The following AQP5 variants were observed in gnomAD, a reference collection of about 807,000 sequenced individuals.
The protein encoded by AQP5 is aquaporin-5.
AQP5 carries 15 observed loss-of-function variants against 19.1 expected under a neutral mutation model. The observed-to-expected ratio is 0.79, with a 90% CI of 0.53 to 1.21. The LOEUF is 1.21. Among genes scored for constraint, AQP5 ranks in the 50% most tolerant of loss-of-function variants. The probability of loss-of-function intolerance (pLI) is 0.00; values close to 1 mark genes in which losing one functional copy is unlikely to be tolerated. For missense variants in AQP5, 355 were observed against 357.1 expected (o/e 0.99, Z 0.05); for synonymous variants, 182 against 160.3 (o/e 1.14, Z -1.02).
intron 1 of AQP5, 61 bp from the exon 2 acceptor site, chr12:49,963,431 C>T: frequency 2.5e-6 from 4 of 1,587,222 alleles, no homozygotes; most frequent in Admixed American, 1.7e-5. Flanking sequence ...GCCCTACTCC[C>T]CGAGCCCCTG....
chr12:49,963,958 G>T, intron 2 of AQP5, 134 bp from the exon 3 acceptor site: 1 of 919,184 alleles, frequency 1.1e-6, no homozygotes, highest in Non-Finnish European at 1.7e-6. Context: ...TGGGATCCTT[G>T]GAGGGAGAGG....
chr12:49,965,255 C>T lies in AQP5; in HGVS notation c.*78C>T. 7.0e-7 allele frequency: 1 copy of T among 1,431,614 alleles called. No homozygotes were observed. The allele number at this position is 1,431,614 out of a possible 1,614,324, so 88.7% of individuals were successfully genotyped here. A position where few individuals can be genotyped will look rare whatever the true frequency, so the allele number is the denominator to read the frequency against. ...AGAAAAAGTACCTAACACAAGCTTCCTTTTTGCACAACCGGTCCTCTTGGC... is the reference window on the plus strand; with the variant it reads ...AGAAAAAGTACCTAACACAAGCTTCTTTTTTGCACAACCGGTCCTCTTGGC... On this transcript the variant is annotated 3_prime_UTR_variant, in exon 4 of 4. Transcript: ENST00000293599.
At chr12:49,962,454 GA>G in intron 1 of AQP5, 74 bp downstream of exon 1, 2 of 1,448,492 alleles carry the variant, frequency 1.4e-6, no homozygotes, top group Middle Eastern at 2.5e-4. Flanking sequence ...ACCCCACCTG[GA>G]AAAAAGGGGT....
intron 2 of AQP5, 58 bp from the exon 3 acceptor site, chr12:49,964,034 A>G: frequency 6.6e-7 from 1 of 1,523,914 alleles, no homozygotes; most frequent in Non-Finnish European, 9.1e-7. Flanking sequence ...GAGAGTCCAG[A>G]TTCTGTGGGA....
At chr12:49,962,521 C>T (rs1947440260) in intron 1 of AQP5, 141 bp downstream of exon 1, 1 of 1,342,560 alleles carries the variant, frequency 7.4e-7, no homozygotes, top group Non-Finnish European at 9.8e-7. Flanking sequence ...CCTCCCAAGG[C>T]CAGGAAGGCA....
At chr12:49,963,684 T>C in intron 2 of AQP5, 28 bp downstream of exon 2, 1 of 1,603,808 alleles carries the variant, frequency 6.2e-7, no homozygotes, top group Non-Finnish European at 8.5e-7. Flanking sequence ...TGGGCTGGGG[T>C]GAGGGTGGGG....
chr12:49,964,626 G>A, intron 3 of AQP5: 3 of 984,944 alleles, frequency 3.0e-6, no homozygotes, highest in Non-Finnish European at 3.6e-6. Flanking sequence ...CTCTCTCCAG[G>A]GTCTGCTTCT....
rs751767010 is a variant in AQP5 at position 49,963,950 on chromosome 12, G to C, written c.529-142G>C. ...GGGTCCATGGTTAACCAAGCAGCTG[G>C]GATCCTTGGAGGGAGAGGTTGCCAG... On this transcript the variant is annotated intron_variant, in intron 2 of 3. Coordinates refer to ENST00000293599, the MANE Select transcript of AQP5 (RefSeq NM_001651.4). 2.6e-4 allele frequency: 230 copies of C among 877,214 alleles called. 2 individuals carry two copies. The highest frequency in any genetic ancestry group is 9.4e-5 in the Non-Finnish European group (52 of 551,858). The allele number at this position is 877,214 out of a possible 1,614,324, so 54.3% of individuals were successfully genotyped here.
rs1366860439 is a variant in AQP5 at position 49,964,180 on chromosome 12, G to A, written c.612+5G>A. Reference sequence around the variant, plus strand: ...CGGTTCAGCCCCGCTCACTGGGTGAGTCTGTCCCTTCCCCTGGCTCCCTGG... The same window carrying A: ...CGGTTCAGCCCCGCTCACTGGGTGAATCTGTCCCTTCCCCTGGCTCCCTGG... On this transcript the variant is annotated splice_donor_5th_base_variant and intron_variant, in intron 3 of 3. Coordinates refer to ENST00000293599, the MANE Select transcript of AQP5 (RefSeq NM_001651.4). The A allele has an allele frequency of 1.2e-6, 2 of 1,613,692 alleles. No homozygotes were observed. The highest frequency in any genetic ancestry group is 8.5e-7 in the Non-Finnish European group (1 of 1,179,606).
chr12:49,963,883 A>C, intron 2 of AQP5: 1 of 772,674 alleles, frequency 1.3e-6, no homozygotes, highest in South Asian at 1.8e-5. Flanking sequence ...GACAGGAATC[A>C]AACCCAACCT....
Position 49,961,963 on chromosome 12 carries a change from C to G in AQP5, c.-55C>G. ...CCGCATCCACCTCCTCCGCCGCCTG[C>G]GACCCAACGGGCGCCCCCCGCCGCG... On this transcript the variant is annotated 5_prime_UTR_variant, in exon 1 of 4. Coordinates refer to ENST00000293599, the MANE Select transcript of AQP5 (RefSeq NM_001651.4). 6.5e-6 allele frequency: 8 copies of G among 1,239,470 alleles called. No homozygotes were observed. The highest frequency in any genetic ancestry group is 2.8e-5 in the South Asian group (1 of 35,896). 76.8% of individuals were successfully genotyped at this position (1,239,470 alleles called of 1,614,324 possible). A position where few individuals can be genotyped will look rare whatever the true frequency, so the allele number is the denominator to read the frequency against.
chr12:49,965,316 TAGAG>T lies in AQP5; in HGVS notation c.*142_*145del. On this transcript the variant is annotated 3_prime_UTR_variant, in exon 4 of 4. Coordinates refer to ENST00000293599, the MANE Select transcript of AQP5 (RefSeq NM_001651.4). ...GAGCTGGTCACCCTGGCTGCACAGT[TAGAG>T]AGGGGAGAAGGAACCCATGATGGGA... is the stretch of plus-strand genomic sequence containing the variant. 9.3e-7 allele frequency: 1 copy of T among 1,079,948 alleles called. No individual in the cohort carries two copies. The highest frequency in any genetic ancestry group is 1.3e-6 in the Non-Finnish European group (1 of 780,184). The allele number at this position is 1,079,948 out of a possible 1,614,324, so 66.9% of individuals were successfully genotyped here. A position where few individuals can be genotyped will look rare whatever the true frequency, so the allele number is the denominator to read the frequency against.
chr12:49,963,530 G>A lies in AQP5; in HGVS notation c.402G>A (p.Val134=). 1.2e-5 allele frequency: 20 copies of A among 1,613,936 alleles called. No individual in the cohort carries two copies. The highest frequency in any genetic ancestry group is 1.7e-5 in the Non-Finnish European group (20 of 1,180,028). ...CAACGCAGGGCCAGGCCATGGTGGTGGAGCTGATTCTGACCTTCCAGCTGG... is the reference window on the plus strand; with the variant it reads ...CAACGCAGGGCCAGGCCATGGTGGTAGAGCTGATTCTGACCTTCCAGCTGG... ...NNTTQGQAMV[V]ELILTFQLAL... is the part of the protein sequence containing the mutation. The change falls in exon 2 of 4, where the codon GTG becomes GTA. Residue 134 remains valine, a synonymous_variant. Transcript: ENST00000293599.
chr12:49,963,248 C>G (rs372882870), intron 1 of AQP5, among the ~76,000 whole-genome samples: 1 of 152,232 alleles, frequency 6.6e-6, no homozygotes, highest in Non-Finnish European at 1.5e-5. Context: ...TTGATAGGCC[C>G]GTGTCCAGGA....
chr12:49,962,925 TTCCC>T (rs1947445964), intron 1 of AQP5: 1 of 163,604 alleles, frequency 6.1e-6, no homozygotes, highest in Non-Finnish European at 1.3e-5. Context: ...TGAGTATTGG[TTCCC>T]TCTTTCCCCA....
chr12:49,964,896 T>G, intron 3 of AQP5, 96 bp from the exon 4 acceptor site: 1 of 1,507,670 alleles, frequency 6.6e-7, no homozygotes, highest in Non-Finnish European at 8.8e-7. Flanking sequence ...GTCTGTCTCC[T>G]CTCAGGGTCC....
chr12:49,965,346 C>A lies in AQP5; in HGVS notation c.*169C>A. 1.3e-6 allele frequency: 1 copy of A among 793,570 alleles called. No homozygotes were observed. The highest frequency in any genetic ancestry group is 2.0e-5 in the South Asian group (1 of 50,140). 49.2% of individuals were successfully genotyped at this position (793,570 alleles called of 1,614,324 possible). A position where few individuals can be genotyped will look rare whatever the true frequency, so the allele number is the denominator to read the frequency against. ...AGGGGAGAAGGAACCCATGATGGGA[C>A]TCCTGGGGTAGGGGCCAGGGGCTGG... On this transcript the variant is annotated 3_prime_UTR_variant, in exon 4 of 4. Coordinates refer to ENST00000293599, the MANE Select transcript of AQP5 (RefSeq NM_001651.4).
rs1414280788 is a variant in AQP5 at position 49,964,580 on chromosome 12, C to G, written c.612+405C>G. ...CTTCCTGTGGGTCTGTCCCTGTGGA[C>G]AGTCTGTCTGCCCCCCCTTTGGAAG... On this transcript the variant is annotated intron_variant, in intron 3 of 3. Coordinates refer to ENST00000293599, the MANE Select transcript of AQP5 (RefSeq NM_001651.4). 3 of 917,614 alleles carry G rather than the reference C, an allele frequency of 3.3e-6. No individual in the cohort carries two copies. The African/African-American group carries it at 6.0e-5, about 18-fold the overall frequency. 56.8% of individuals were successfully genotyped at this position (917,614 alleles called of 1,614,324 possible). A position where few individuals can be genotyped will look rare whatever the true frequency, so the allele number is the denominator to read the frequency against.
At position 49,965,411 on chromosome 12, in the gene AQP5, G is replaced by T. The variant is rs1947479560; in HGVS notation, c.*234G>T. 1 of 433,846 alleles carries T rather than the reference G, an allele frequency of 2.3e-6. No individual in the cohort carries two copies. The highest frequency in any genetic ancestry group is 4.0e-6 in the Non-Finnish European group (1 of 248,952). 26.9% of individuals were successfully genotyped at this position (433,846 alleles called of 1,614,324 possible). On this transcript the variant is annotated 3_prime_UTR_variant, in exon 4 of 4. Transcript: ENST00000293599. ...AGGTCTCTCTGGGACAGACCTCAGA[G>T]ATTGTGAATGCAGTGCCAAGCTCAC...
Sources: gnomAD v4.1 joint callset for allele counts (sites outside exome capture counted in the v4.1 genomes callset) on GRCh38, gnomAD v4.1.1 for gene constraint, MANE v1.5 for transcripts, NCBI Gene and HGNC (gene_info 2026-07-23, HGNC 2026-07-21) for gene names.